Variants in KCNH8 observed in about 807,000 individuals in gnomAD.
The protein encoded by KCNH8 is voltage-gated delayed rectifier potassium channel KCNH8.
Under a neutral mutation model 103.6 loss-of-function variants are expected in KCNH8, and 70 were observed. The ratio of observed to expected loss-of-function variants is 0.68; its 90% CI spans 0.56 to 0.82. The LOEUF is 0.82. Among genes scored for constraint, KCNH8 ranks in the 40% least tolerant of loss-of-function variants. The pLI, the probability that KCNH8 is intolerant of heterozygous loss-of-function variation, is 0.00. For synonymous variants in KCNH8, 498 were observed against 489.4 expected (o/e 1.02, Z -0.23); for missense variants, 1,217 against 1,329.9 (o/e 0.92, Z 1.32).
intron 1 of KCNH8, among the ~76,000 whole-genome samples, chr3:19,162,252 C>T (rs1423284215): frequency 1.3e-5 from 2 of 151,734 alleles, no homozygotes; most frequent in South Asian, 2.1e-4. Flanking sequence ...TGGTCCACAC[C>T]TGCAATCTCA....
At chr3:19,263,509 CAT>C (rs1278538184) in intron 2 of KCNH8, among the ~76,000 whole-genome samples, 3 of 152,058 alleles carry the variant, frequency 2.0e-5, no homozygotes, top group Non-Finnish European at 4.4e-5. Flanking sequence ...TGGCTTCACT[CAT>C]GTGTGGCATC....
rs1356638005 is a variant in KCNH8 at position 19,170,659 on chromosome 3, TACACACATATATATAC to T, written c.76+21872_76+21887del. On this transcript the variant is annotated intron_variant, in intron 1 of 15. Coordinates refer to ENST00000328405, the MANE Select transcript of KCNH8 (RefSeq NM_144633.3). ...ACACATATATATACACACACATATA[TACACACATATATATAC>T]ACACACACATATATACACACATATA... 7.8e-3 allele frequency among the ~76,000 whole-genome samples: 1,069 copies of T among 137,816 alleles called. 10 individuals are homozygous for T. Among genetic ancestry groups the T allele is most frequent in the African/African-American group, 0.028 (980 of 35,428 alleles). 90.4% of individuals were successfully genotyped at this position (137,816 alleles called of 152,430 possible).
intron 8 of KCNH8, among the ~76,000 whole-genome samples, chr3:19,440,616 G>C (rs1423436047): frequency 6.6e-6 from 1 of 152,038 alleles, no homozygotes; most frequent in African/African-American, 2.4e-5. Flanking sequence ...CCTCCCACTG[G>C]GTCCCTCCCC....
At chr3:19,448,968 C>T (rs1458370667) in intron 8 of KCNH8, 5 of 1,286,116 alleles carry the variant, frequency 3.9e-6, no homozygotes, top group South Asian at 2.5e-5. Context: ...CTTGGATTAT[C>T]TGCTGGTTTA....
At chr3:19,225,951 A>G (rs886369494) in intron 1 of KCNH8, among the ~76,000 whole-genome samples, 1 of 152,344 alleles carries the variant, frequency 6.6e-6, no homozygotes, top group Admixed American at 6.5e-5. Flanking sequence ...GGTGTTTATT[A>G]TGAATTCAAT....
intron 1 of KCNH8, among the ~76,000 whole-genome samples, chr3:19,167,594 T>G (rs570885075): frequency 7.3e-4 from 111 of 152,354 alleles, no homozygotes; most frequent in Middle Eastern, 3.4e-3. Context: ...AATATCCTTT[T>G]ATTAATGAAA....
chr3:19,386,880 G>A (rs1274426568), intron 5 of KCNH8, among the ~76,000 whole-genome samples: 3 of 152,108 alleles, frequency 2.0e-5, no homozygotes, highest in South Asian at 2.1e-4. Flanking sequence ...CAGTGTTTGC[G>A]AAGTTCCACT....
chr3:19,280,567 A>G (rs766549225), intron 2 of KCNH8, among the ~76,000 whole-genome samples: 1 of 152,084 alleles, frequency 6.6e-6, no homozygotes, highest in Non-Finnish European at 1.5e-5. Context: ...AGTGATATTC[A>G]TCTATTTGGT....
At chr3:19,408,055 C>G (rs2066721908) in intron 7 of KCNH8, among the ~76,000 whole-genome samples, 1 of 152,064 alleles carries the variant, frequency 6.6e-6, no homozygotes, top group Non-Finnish European at 1.5e-5. Flanking sequence ...ACTGTGCATT[C>G]CATGAGTCAG....
intron 1 of KCNH8, among the ~76,000 whole-genome samples, chr3:19,155,227 G>T (rs189075319): frequency 6.6e-6 from 1 of 152,244 alleles, no homozygotes. Flanking sequence ...GACCCATCCA[G>T]TTCTTCAAGC....
rs1466959748 is a variant in KCNH8 at position 19,308,769 on chromosome 3, CCTCCCTCTCTCTCT to C, written c.442+27461_442+27474del. ...CCCTCTCTCCCTCTCTCCCTCTCTC[CCTCCCTCTCTCTCT>C]CTCCCTCTCTCTCTCTCCCTTTCTC... is the stretch of plus-strand genomic sequence containing the variant. On this transcript the variant is annotated intron_variant, in intron 3 of 15. Coordinates refer to ENST00000328405, the MANE Select transcript of KCNH8 (RefSeq NM_144633.3). 1.1e-3 allele frequency among the ~76,000 whole-genome samples: 31 copies of C among 28,574 alleles called. 3 individuals are homozygous for C. The highest frequency in any genetic ancestry group is 6.8e-3 in the East Asian group (6 of 876). 18.7% of individuals were successfully genotyped at this position (28,574 alleles called of 152,430 possible). A position where few individuals can be genotyped will look rare whatever the true frequency, so the allele number is the denominator to read the frequency against.
chr3:19,493,548 C>A (rs575401779), intron 11 of KCNH8, among the ~76,000 whole-genome samples: 25 of 152,234 alleles, frequency 1.6e-4, no homozygotes, highest in South Asian at 1.2e-3. Context: ...TTTTCTGAGG[C>A]CTCCCCAGCC....
intron 1 of KCNH8, among the ~76,000 whole-genome samples, chr3:19,185,291 A>T (rs2063491609): frequency 6.6e-6 from 1 of 151,830 alleles, no homozygotes; most frequent in Non-Finnish European, 1.5e-5. Context: ...ACTTTTCATT[A>T]TCTGTGTTTT....
intron 11 of KCNH8, among the ~76,000 whole-genome samples, chr3:19,458,335 T>A (rs1033919864): frequency 2.0e-5 from 3 of 151,760 alleles, no homozygotes; most frequent in Non-Finnish European, 2.9e-5. Flanking sequence ...GTTTTGAAAA[T>A]CAAAGGTGAG....
At chr3:19,248,635 T>G (rs1365779951) in intron 1 of KCNH8, among the ~76,000 whole-genome samples, 1 of 152,192 alleles carries the variant, frequency 6.6e-6, no homozygotes, top group Non-Finnish European at 1.5e-5. Context: ...TCACATAGAC[T>G]GAGTTTTAAT....
intron 11 of KCNH8, among the ~76,000 whole-genome samples, chr3:19,467,392 C>T (rs948602198): frequency 1.3e-5 from 2 of 152,026 alleles, no homozygotes; most frequent in African/African-American, 4.8e-5. Flanking sequence ...ACATCATTAA[C>T]AGCTGCCATT....
intron 1 of KCNH8, among the ~76,000 whole-genome samples, chr3:19,182,574 T>C (rs1441148239): frequency 2.6e-5 from 4 of 152,052 alleles, no homozygotes; most frequent in Non-Finnish European, 1.5e-5. Context: ...GCATCAAGCT[T>C]TCAGCTTTTT....
chr3:19,148,512 T>C lies in KCNH8; in HGVS notation c.-208T>C. 2 of 589,600 alleles carry C rather than the reference T, an allele frequency of 3.4e-6. No individual in the cohort carries two copies. Among genetic ancestry groups the C allele is most frequent in the Non-Finnish European group, 6.1e-6 (2 of 329,372 alleles). 36.5% of individuals were successfully genotyped at this position (589,600 alleles called of 1,614,324 possible). On this transcript the variant is annotated 5_prime_UTR_variant, in exon 1 of 16. Coordinates refer to ENST00000328405, the MANE Select transcript of KCNH8 (RefSeq NM_144633.3). ...GGTGCGGGGCGGGCTCGGGGAGCGC[T>C]CTTGGGGCTCCTCCTGCCACAGCCG...
At chr3:19,438,045 C>A in intron 7 of KCNH8, 119 bp from the exon 8 acceptor site, 1 of 770,446 alleles carries the variant, frequency 1.3e-6, no homozygotes, top group Non-Finnish European at 2.2e-6. Flanking sequence ...TCCTTTTTAC[C>A]TTCTTCTTCC....
Sources: allele counts gnomAD v4.1 joint callset (sites outside exome capture counted in the v4.1 genomes callset), GRCh38; gene constraint gnomAD v4.1.1; transcripts MANE v1.5; gene names NCBI Gene and HGNC (gene_info 2026-07-23, HGNC 2026-07-21).